ENTREP2: variants seen among roughly 807,000 people sequenced by gnomAD.
ENTREP2 encodes protein ENTREP2.
the ENTREP2 span, among the ~76,000 whole-genome samples, chr15:29,245,976 T>A: frequency 6.6e-6 from 1 of 152,280 alleles, no homozygotes; most frequent in African/African-American, 2.4e-5. Context: ...GTCTTAGTGA[T>A]TTTTTTCTCT....
At chr15:29,241,479 T>C in the ENTREP2 span, among the ~76,000 whole-genome samples, 9 of 151,858 alleles carry the variant, frequency 5.9e-5, no homozygotes, top group Non-Finnish European at 1.0e-4. Flanking sequence ...TGGTAGGGAG[T>C]AGGAGGCAGA....
At chr15:29,151,219 C>T in the ENTREP2 span, among the ~76,000 whole-genome samples, 3 of 152,116 alleles carry the variant, frequency 2.0e-5, no homozygotes, top group African/African-American at 4.8e-5. Context: ...AGTGACAGGT[C>T]TTCTTGTGTA....
chr15:29,538,531 A>T, the ENTREP2 span, among the ~76,000 whole-genome samples: 1 of 151,510 alleles, frequency 6.6e-6, no homozygotes, highest in South Asian at 2.1e-4. Flanking sequence ...GCAGTGGCTC[A>T]CGCTTGTAAT....
chr15:29,488,822 T>A, the ENTREP2 span, among the ~76,000 whole-genome samples: 1 of 152,168 alleles, frequency 6.6e-6, no homozygotes, highest in Non-Finnish European at 1.5e-5. Flanking sequence ...CATTGTATGA[T>A]ACATCCTACA....
the ENTREP2 span, among the ~76,000 whole-genome samples, chr15:29,534,521 T>C: frequency 1.3e-5 from 2 of 152,264 alleles, no homozygotes; most frequent in African/African-American, 4.8e-5. Flanking sequence ...TGTCTATAAA[T>C]GACCCAGATT....
chr15:29,667,487 C>CTTTT, the ENTREP2 span, among the ~76,000 whole-genome samples: 8 of 104,702 alleles, frequency 7.6e-5, no homozygotes, highest in East Asian at 3.0e-4. Context: ...TGCGCCTGGC[C>CTTTT]TTTTTTTTTT....
At chr15:29,273,679 C>A in the ENTREP2 span, among the ~76,000 whole-genome samples, 1 of 152,200 alleles carries the variant, frequency 6.6e-6, no homozygotes, top group Admixed American at 6.5e-5. Flanking sequence ...ATCTAATCAG[C>A]TGCCAGTGCG....
the ENTREP2 span, among the ~76,000 whole-genome samples, chr15:29,290,431 T>C: frequency 9.2e-5 from 14 of 152,278 alleles, 1 homozygote; most frequent in East Asian, 2.7e-3. Context: ...TATCACCCCA[T>C]GTCCATACTC....
At chr15:29,521,132 C>T in the ENTREP2 span, among the ~76,000 whole-genome samples, 1 of 152,112 alleles carries the variant, frequency 6.6e-6, no homozygotes, top group African/African-American at 2.4e-5. Context: ...GGATGGGATG[C>T]TGCTACCCAC....
the ENTREP2 span, among the ~76,000 whole-genome samples, chr15:29,270,376 A>G: frequency 6.6e-6 from 1 of 152,122 alleles, no homozygotes; most frequent in Non-Finnish European, 1.5e-5. Context: ...CCGTATTTAT[A>G]TTCTCTGCAT....
the ENTREP2 span, chr15:29,121,167 AGGGGCCTACAGGGAGGCACTGCT>A: frequency 2.6e-5 from 4 of 152,448 alleles, no homozygotes; most frequent in African/African-American, 9.6e-5. Flanking sequence ...GGTGCAGGTG[AGGGGCCTACAGGGAGGCACTGCT>A]GGGGCAGCAG....
At chr15:29,564,569 A>C in the ENTREP2 span, among the ~76,000 whole-genome samples, 10 of 152,194 alleles carry the variant, frequency 6.6e-5, no homozygotes, top group South Asian at 2.1e-4. Context: ...GTCCACACAC[A>C]GTTAGTTGCT....
At chr15:29,333,837 G>A in the ENTREP2 span, among the ~76,000 whole-genome samples, 18 of 152,114 alleles carry the variant, frequency 1.2e-4, no homozygotes, top group South Asian at 2.1e-4. Flanking sequence ...GGGGAGGCCC[G>A]CGGTCCAATC....
chr15:29,646,300 T>C, the ENTREP2 span, among the ~76,000 whole-genome samples: 2 of 152,182 alleles, frequency 1.3e-5, no homozygotes, highest in African/African-American at 4.8e-5. Flanking sequence ...AAAGCTGATA[T>C]TGAGGTGTGG....
chr15:29,665,760 G>T, the ENTREP2 span, among the ~76,000 whole-genome samples: 82 of 151,912 alleles, frequency 5.4e-4, 1 homozygote, highest in African/African-American at 1.9e-3. Context: ...CACATTTAGA[G>T]GACCTGTTTT....
At chr15:29,268,674 C>A in the ENTREP2 span, 2 of 981,426 alleles carry the variant, frequency 2.0e-6, no homozygotes, top group Admixed American at 2.9e-5. Flanking sequence ...TAAAGCTACA[C>A]ACATTGAAGC....
At chr15:29,672,152 A>T in the ENTREP2 span, among the ~76,000 whole-genome samples, 1 of 152,012 alleles carries the variant, frequency 6.6e-6, no homozygotes, top group African/African-American at 2.4e-5. Context: ...ATACCCGGCT[A>T]ATTTTTTTTA....
At chr15:29,616,082 G>A in the ENTREP2 span, among the ~76,000 whole-genome samples, 2 of 152,342 alleles carry the variant, frequency 1.3e-5, no homozygotes, top group South Asian at 4.1e-4. Flanking sequence ...TCACACATAT[G>A]TTGTTGCTAG....
At chr15:29,173,691 T>C in the ENTREP2 span, among the ~76,000 whole-genome samples, 1 of 152,104 alleles carries the variant, frequency 6.6e-6, no homozygotes, top group Non-Finnish European at 1.5e-5. Flanking sequence ...ATCTTCTGAT[T>C]GGTTATCATA....
Sources: allele counts gnomAD v4.1 joint callset (sites outside exome capture counted in the v4.1 genomes callset), GRCh38; gene constraint gnomAD v4.1.1; transcripts MANE v1.5; gene names NCBI Gene and HGNC (gene_info 2026-07-23, HGNC 2026-07-21).